Variants in AMPH observed in about 807,000 individuals in gnomAD.
AMPH encodes amphiphysin.
Under a neutral mutation model 99.1 loss-of-function variants are expected in AMPH, and 49 were observed. The observed-to-expected ratio is 0.49, with a 90% CI of 0.39 to 0.63. AMPH has a LOEUF of 0.63. Ranked by LOEUF, AMPH falls within the 20% of genes least tolerant of loss-of-function variation. The pLI is 0.00. For synonymous variants in AMPH, 314 were observed against 317.3 expected (o/e 0.99, Z 0.11); for missense variants, 759 against 863.4 (o/e 0.88, Z 1.52).
In AMPH at chr7:38,620,548, T is replaced by TACACACAC. The variant is rs201765719; in HGVS notation, c.69+10727_69+10734dup. 4.6e-3 allele frequency among the ~76,000 whole-genome samples: 609 copies of TACACACAC among 133,168 alleles called. 1 individual carries two copies. The highest frequency in any genetic ancestry group is 5.5e-3 in the African/African-American group (192 of 35,074). 87.4% of individuals were successfully genotyped at this position (133,168 alleles called of 152,430 possible). On this transcript the variant is annotated intron_variant, in intron 1 of 20. Coordinates refer to ENST00000356264, the MANE Select transcript of AMPH (RefSeq NM_001635.4). ...CATCTATGCTATATATATACATACA[T>TACACACAC]ACACACACACACACACACACACACA...
intron 14 of AMPH, chr7:38,429,427 C>T (rs1263277031): frequency 1.5e-6 from 2 of 1,294,584 alleles, no homozygotes; most frequent in South Asian, 2.5e-5. Context: ...CCTGAGGTAA[C>T]TTCTTGGCTG....
At chr7:38,453,930 A>G (rs1787134633) in intron 11 of AMPH, among the ~76,000 whole-genome samples, 1 of 152,260 alleles carries the variant, frequency 6.6e-6, no homozygotes, top group Admixed American at 6.5e-5. Flanking sequence ...AAGGGACTGT[A>G]CAACTTTGGA....
At chr7:38,502,506 G>T (rs1370663679) in intron 3 of AMPH, among the ~76,000 whole-genome samples, 2 of 152,154 alleles carry the variant, frequency 1.3e-5, no homozygotes, top group African/African-American at 4.8e-5. Flanking sequence ...CCCATTGAAG[G>T]TGAGTCATAC....
intron 7 of AMPH, among the ~76,000 whole-genome samples, chr7:38,467,790 G>T (rs1217014053): frequency 1.3e-5 from 2 of 152,060 alleles, no homozygotes; most frequent in Non-Finnish European, 2.9e-5. Flanking sequence ...TCAAAAGTGA[G>T]TGGATATGGG....
chr7:38,484,193 G>C (rs1242962108), intron 5 of AMPH, among the ~76,000 whole-genome samples: 1 of 151,962 alleles, frequency 6.6e-6, no homozygotes, highest in Non-Finnish European at 1.5e-5. Flanking sequence ...TAATCAGAAA[G>C]CTATTGAAAG....
chr7:38,484,890 T>C (rs968966274), intron 5 of AMPH, among the ~76,000 whole-genome samples: 4 of 151,988 alleles, frequency 2.6e-5, no homozygotes, highest in Admixed American at 2.6e-4. Flanking sequence ...AGGTGATTGA[T>C]GTTAATTTAG....
Position 38,443,673 on chromosome 7 carries a change from G to A in AMPH, c.1018-7285C>T, listed in dbSNP as rs565166754. Among the ~76,000 whole-genome samples the A allele has an allele frequency of 1.5e-4, 23 of 152,104 alleles. 2 individuals are homozygous for A. In the South Asian group the frequency reaches 4.8e-3, roughly 32 times the overall value. The stretch of plus-strand genomic sequence containing the variant: ...TTAATTCCTGTTTAAAACTCTTTAA[G>A]TAGGAATAAAAGGCTACTTCCTCAA... On this transcript the variant is annotated intron_variant, in intron 11 of 20. Coordinates refer to ENST00000356264, the MANE Select transcript of AMPH (RefSeq NM_001635.4).
chr7:38,385,623 C>T (rs963436778), intron 20 of AMPH, among the ~76,000 whole-genome samples: 5 of 152,288 alleles, frequency 3.3e-5, no homozygotes, highest in South Asian at 2.1e-4. Context: ...TTGCTGGAAG[C>T]GCTCCTATAT....
intron 14 of AMPH, 124 bp downstream of exon 14, chr7:38,429,718 G>A: frequency 7.6e-7 from 1 of 1,318,004 alleles, no homozygotes. Context: ...TACATTCATT[G>A]GCTTAAGGTT....
At chr7:38,421,123 A>G (rs1407950480) in intron 16 of AMPH, 1 of 452,874 alleles carries the variant, frequency 2.2e-6, no homozygotes, top group Non-Finnish European at 4.5e-6. Flanking sequence ...CAGAGAATAC[A>G]TACAAACAGA....
At chr7:38,542,999 C>A (rs1457020908) in intron 1 of AMPH, among the ~76,000 whole-genome samples, 1 of 151,716 alleles carries the variant, frequency 6.6e-6, no homozygotes, top group East Asian at 1.9e-4. Flanking sequence ...GAGGCTGAGG[C>A]AGAAGAATCA....
At chr7:38,412,583 G>T (rs1785246136) in intron 17 of AMPH, among the ~76,000 whole-genome samples, 2 of 152,208 alleles carry the variant, frequency 1.3e-5, no homozygotes, top group African/African-American at 4.8e-5. Context: ...AACCTGCTCT[G>T]TGAGGTTGGG....
At chr7:38,626,877 CATG>C (rs1253839056) in intron 1 of AMPH, among the ~76,000 whole-genome samples, 1 of 147,718 alleles carries the variant, frequency 6.8e-6, no homozygotes, top group Non-Finnish European at 1.5e-5. Flanking sequence ...TACAGTTTTT[CATG>C]ATAAGCTTTT....
intron 2 of AMPH, among the ~76,000 whole-genome samples, chr7:38,511,295 G>A (rs1388173765): frequency 6.6e-6 from 1 of 152,168 alleles, no homozygotes; most frequent in Non-Finnish European, 1.5e-5. Flanking sequence ...TACTGCAAAC[G>A]AATATCTTCA....
intron 1 of AMPH, among the ~76,000 whole-genome samples, chr7:38,619,044 CT>C (rs1363008919): frequency 1.3e-5 from 2 of 151,980 alleles, no homozygotes; most frequent in Non-Finnish European, 2.9e-5. Flanking sequence ...ATATCTCATG[CT>C]GCCAGGCATG....
chr7:38,478,777 T>C (rs1788179338), intron 5 of AMPH, among the ~76,000 whole-genome samples: 1 of 152,034 alleles, frequency 6.6e-6, no homozygotes, highest in Admixed American at 6.5e-5. Context: ...AATGGTCAAA[T>C]AGAAATCAAA....
intron 2 of AMPH, among the ~76,000 whole-genome samples, chr7:38,533,246 T>G (rs1790479515): frequency 6.6e-6 from 1 of 152,220 alleles, no homozygotes; most frequent in Non-Finnish European, 1.5e-5. Context: ...CCAACATTTC[T>G]CTAGGAATTC....
chr7:38,460,288 C>CA (rs1195131712), intron 11 of AMPH, among the ~76,000 whole-genome samples: 1 of 151,858 alleles, frequency 6.6e-6, no homozygotes, highest in Non-Finnish European at 1.5e-5. Flanking sequence ...GGAGATTCCT[C>CA]AAAAAAACTA....
intron 1 of AMPH, 35 bp downstream of exon 1, chr7:38,631,248 G>A: frequency 6.7e-7 from 1 of 1,501,664 alleles, no homozygotes; most frequent in Non-Finnish European, 8.9e-7. Flanking sequence ...CCCGCCTGGC[G>A]TCCCCGGCCC....
Sources: allele counts gnomAD v4.1 joint callset (sites outside exome capture counted in the v4.1 genomes callset), GRCh38; gene constraint gnomAD v4.1.1; transcripts MANE v1.5; gene names NCBI Gene and HGNC (gene_info 2026-07-23, HGNC 2026-07-21).